SPMIP3: variants seen among roughly 807,000 people sequenced by gnomAD.
SPMIP3 encodes sperm microtubule inner protein 3, also known as protein SPMIP3.
the SPMIP3 span, among the ~76,000 whole-genome samples, chr1:244,386,094 T>A: frequency 6.6e-6 from 1 of 152,042 alleles, no homozygotes; most frequent in African/African-American, 2.4e-5. Flanking sequence ...GGAGAATTGT[T>A]TGAACCCCAG....
the SPMIP3 span, chr1:244,375,586 A>C: frequency 4.7e-6 from 3 of 635,934 alleles, no homozygotes; most frequent in East Asian, 2.9e-5. Context: ...AAAAATAATA[A>C]TGGATAGAAG....
the SPMIP3 span, among the ~76,000 whole-genome samples, chr1:244,384,846 AAAG>A: frequency 1.3e-5 from 2 of 152,144 alleles, no homozygotes; most frequent in African/African-American, 4.8e-5. Context: ...AGAATAAGAG[AAAG>A]AATATTAAGT....
the SPMIP3 span, chr1:244,378,641 T>C: frequency 6.2e-7 from 1 of 1,611,794 alleles, no homozygotes; most frequent in African/African-American, 1.3e-5. Flanking sequence ...ATGAGATTGG[T>C]AAGTCAGGCC....
chr1:244,366,658 T>C, the SPMIP3 span, among the ~76,000 whole-genome samples: 1 of 152,170 alleles, frequency 6.6e-6, no homozygotes, highest in East Asian at 1.9e-4. Context: ...GGCGGGTGGA[T>C]CACTTGAGGT....
chr1:244,363,381 C>A, the SPMIP3 span, among the ~76,000 whole-genome samples: 1 of 148,568 alleles, frequency 6.7e-6, no homozygotes, highest in African/African-American at 2.5e-5. Context: ...GCACTCCAAC[C>A]TAGGCGACAG....
chr1:244,373,917 C>T, the SPMIP3 span, among the ~76,000 whole-genome samples: 1 of 151,960 alleles, frequency 6.6e-6, no homozygotes, highest in Admixed American at 6.6e-5. Context: ...AGTTTGAGAC[C>T]ATCCTAGCCA....
the SPMIP3 span, among the ~76,000 whole-genome samples, chr1:244,360,545 CACACACACACACATGCAT>C: frequency 4.3e-3 from 267 of 61,902 alleles, 4 homozygotes; most frequent in Middle Eastern, 0.021. Context: ...CACACACACA[CACACACACACACATGCAT>C]GCATGGAATA....
At chr1:244,358,546 C>T in the SPMIP3 span, among the ~76,000 whole-genome samples, 38 of 149,132 alleles carry the variant, frequency 2.5e-4, no homozygotes, top group Non-Finnish European at 4.7e-4. Context: ...GATTGCGCCA[C>T]TGTATTCCAG....
the SPMIP3 span, chr1:244,378,547 A>G: frequency 5.6e-6 from 9 of 1,613,666 alleles, no homozygotes; most frequent in Non-Finnish European, 6.8e-6. Flanking sequence ...CTCATTCGAT[A>G]TATTTGTCTT....
chr1:244,354,060 G>A, the SPMIP3 span, among the ~76,000 whole-genome samples: 30 of 152,240 alleles, frequency 2.0e-4, no homozygotes, highest in Admixed American at 2.0e-4. Context: ...AGGAAATGGG[G>A]CATTATAAAA....
chr1:244,377,243 T>A, the SPMIP3 span, among the ~76,000 whole-genome samples: 2 of 152,018 alleles, frequency 1.3e-5, no homozygotes, highest in South Asian at 2.1e-4. Context: ...TGCCTCAGCC[T>A]CCCGAGTAGC....
At chr1:244,373,332 T>TTTATATATATATATATATA in the SPMIP3 span, among the ~76,000 whole-genome samples, 5 of 85,144 alleles carry the variant, frequency 5.9e-5, no homozygotes, top group African/African-American at 2.1e-4. Context: ...CAAAAAAAAA[T>TTTATATATATATATATATA]TATATATATA....
the SPMIP3 span, among the ~76,000 whole-genome samples, chr1:244,374,791 T>A: frequency 6.6e-6 from 1 of 151,602 alleles, no homozygotes; most frequent in Non-Finnish European, 1.5e-5. Flanking sequence ...AGAGATGGGG[T>A]TTCACCATGT....
the SPMIP3 span, chr1:244,389,385 T>C: frequency 2.4e-5 from 4 of 165,574 alleles, no homozygotes; most frequent in Non-Finnish European, 5.3e-5. Context: ...ATTGCATCGC[T>C]GTTGGGAAAA....
At chr1:244,381,504 TACTC>T in the SPMIP3 span, among the ~76,000 whole-genome samples, 1 of 152,160 alleles carries the variant, frequency 6.6e-6, no homozygotes, top group Non-Finnish European at 1.5e-5. Context: ...AGCAATGAAA[TACTC>T]ACCACCTGCT....
At chr1:244,374,235 C>T in the SPMIP3 span, among the ~76,000 whole-genome samples, 1 of 152,266 alleles carries the variant, frequency 6.6e-6, no homozygotes, top group Non-Finnish European at 1.5e-5. Context: ...ACCACCCACC[C>T]TTGTCCCACC....
chr1:244,388,971 A>G, the SPMIP3 span: 14 of 1,613,662 alleles, frequency 8.7e-6, no homozygotes, highest in Non-Finnish European at 1.0e-5. Context: ...GAAATTAGCC[A>G]CAGTTTCGCT....
the SPMIP3 span, among the ~76,000 whole-genome samples, chr1:244,361,235 C>CTTTTTTCTT: frequency 8.4e-6 from 1 of 119,314 alleles, no homozygotes; most frequent in East Asian, 2.4e-4. Context: ...TTCTTTCTTT[C>CTTTTTTCTT]TTTTTTTTTT....
At chr1:244,372,444 ATT>A in the SPMIP3 span, among the ~76,000 whole-genome samples, 2,826 of 140,782 alleles carry the variant, frequency 0.02, 24 homozygotes, top group Non-Finnish European at 0.031. Context: ...CTGACTCTGA[ATT>A]TTTTTTTTTT....
Sources: gnomAD v4.1 joint callset for allele counts (sites outside exome capture counted in the v4.1 genomes callset) on GRCh38, gnomAD v4.1.1 for gene constraint, MANE v1.5 for transcripts, NCBI Gene and HGNC (gene_info 2026-07-23, HGNC 2026-07-21) for gene names.